Variants in EML4 observed in about 807,000 individuals in gnomAD.
The protein encoded by EML4 is echinoderm microtubule-associated protein-like 4.
EML4 carries 72 observed loss-of-function variants against 129.0 expected under a neutral mutation model. The ratio of observed to expected loss-of-function variants is 0.56; its 90% CI spans 0.46 to 0.68. The LOEUF is 0.68. EML4 is among the 30% of genes least tolerant of loss of function. The probability of loss-of-function intolerance (pLI) is 0.00; values close to 1 mark genes in which losing one functional copy is unlikely to be tolerated. For missense variants in EML4, 1,363 were observed against 1,190.6 expected (o/e 1.14, Z -2.13); for synonymous variants, 532 against 405.0 (o/e 1.31, Z -3.77).
At chr2:42,232,661 T>C (rs546330569) in intron 1 of EML4, among the ~76,000 whole-genome samples, 57 of 152,316 alleles carry the variant, frequency 3.7e-4, no homozygotes, top group African/African-American at 1.3e-3. Flanking sequence ...CTTTCCTGAG[T>C]CTTACTTGTA....
intron 6 of EML4, among the ~76,000 whole-genome samples, chr2:42,276,222 T>C (rs1666648870): frequency 6.6e-6 from 1 of 152,138 alleles, no homozygotes. Flanking sequence ...GTTTCCCCTT[T>C]TTTGGTAGAG....
chr2:42,304,419 T>C, intron 16 of EML4, 65 bp from the exon 17 acceptor site: 3 of 1,207,424 alleles, frequency 2.5e-6, no homozygotes, highest in Non-Finnish European at 3.7e-6. Flanking sequence ...TCAGAAGTTT[T>C]TGCTACTGTC....
At chr2:42,226,683 A>T (rs1368436683) in intron 1 of EML4, among the ~76,000 whole-genome samples, 1 of 151,912 alleles carries the variant, frequency 6.6e-6, no homozygotes. Flanking sequence ...AAATAAAATA[A>T]ATAAAATAAA....
At position 42,223,697 on chromosome 2, in the gene EML4, T is replaced by G. The variant is rs532995327; in HGVS notation, c.26-21808T>G. 2.0e-5 allele frequency among the ~76,000 whole-genome samples: 3 copies of G among 152,226 alleles called. No homozygotes were observed. In the East Asian group the frequency reaches 5.8e-4, roughly 29 times the overall value. On this transcript the variant is annotated intron_variant, in intron 1 of 22. Coordinates refer to ENST00000318522, the MANE Select transcript of EML4 (RefSeq NM_019063.5). Reference sequence around the variant, plus strand: ...TTGAAAACATCCCCATGAAAACACATCTAGATACTGTAAGAAACATCTTTG... The same window carrying G: ...TTGAAAACATCCCCATGAAAACACAGCTAGATACTGTAAGAAACATCTTTG...
chr2:42,188,645 G>T (rs1326904027), intron 1 of EML4, among the ~76,000 whole-genome samples: 6 of 151,838 alleles, frequency 4.0e-5, no homozygotes, highest in African/African-American at 2.4e-5. Context: ...TCCTGTGTTA[G>T]CCTCCCGAGT....
chr2:42,169,546 C>G lies in EML4; in HGVS notation c.-66C>G. 6.4e-7 allele frequency: 1 copy of G among 1,563,838 alleles called. No individual in the cohort carries two copies. Among genetic ancestry groups the G allele is most frequent in the Admixed American group, 1.8e-5 (1 of 55,190 alleles). Reference sequence around the variant, plus strand: ...AGCGGGTCAGGCTCAGCGTCGGCCACTCTGTCGGTCCGCTGAATGAAGTGC... The same window carrying G: ...AGCGGGTCAGGCTCAGCGTCGGCCAGTCTGTCGGTCCGCTGAATGAAGTGC... On this transcript the variant is annotated 5_prime_UTR_variant, in exon 1 of 23. Coordinates refer to ENST00000318522, the MANE Select transcript of EML4 (RefSeq NM_019063.5).
intron 1 of EML4, among the ~76,000 whole-genome samples, chr2:42,197,701 A>G (rs1411007246): frequency 1.3e-5 from 2 of 152,192 alleles, no homozygotes; most frequent in East Asian, 1.9e-4. Flanking sequence ...GAGAATGATC[A>G]TTTATTGGCA....
chr2:42,172,889 A>G (rs1294313784), intron 1 of EML4, among the ~76,000 whole-genome samples: 2 of 152,192 alleles, frequency 1.3e-5, no homozygotes, highest in African/African-American at 2.4e-5. Context: ...TAGAGGTTTA[A>G]TTTTAAGACT....
At chr2:42,205,355 A>G (rs1313347907) in intron 1 of EML4, among the ~76,000 whole-genome samples, 6 of 152,214 alleles carry the variant, frequency 3.9e-5, no homozygotes, top group Non-Finnish European at 7.3e-5. Flanking sequence ...GTCCTTACAC[A>G]TAGTGAAGTT....
At chr2:42,192,181 C>T (rs2103906946) in intron 1 of EML4, among the ~76,000 whole-genome samples, 1 of 149,012 alleles carries the variant, frequency 6.7e-6, no homozygotes, top group East Asian at 2.0e-4. Context: ...GGGTCTTATA[C>T]CTCAGTGAAA....
chr2:42,182,363 T>TGCTGG (rs1670999367), intron 1 of EML4, among the ~76,000 whole-genome samples: 1 of 145,886 alleles, frequency 6.9e-6, no homozygotes, highest in Admixed American at 6.9e-5. Context: ...ATTGAACCTG[T>TGCTGG]GCTGGGCTGC....
chr2:42,256,460 T>C lies in EML4; in HGVS notation c.209-41T>C, dbSNP rs553301684. ...TTAAAATTTAGATCTTTAAGGAATA[T>C]ATTCAAATTTGATATAATTTTTTTC... On this transcript the variant is annotated intron_variant, in intron 2 of 22. Transcript: ENST00000318522. The C allele has an allele frequency of 3.2e-6, 5 of 1,552,070 alleles. No individual in the cohort carries two copies. The African/African-American group carries it at 4.2e-5, about 13-fold the overall frequency.
At chr2:42,270,796 C>T (rs1666320814) in intron 6 of EML4, among the ~76,000 whole-genome samples, 2 of 152,140 alleles carry the variant, frequency 1.3e-5, no homozygotes, top group Non-Finnish European at 1.5e-5. Flanking sequence ...CTTGGCAATT[C>T]CCGAATTTAG....
intron 1 of EML4, among the ~76,000 whole-genome samples, chr2:42,178,950 G>A (rs906247221): frequency 6.6e-6 from 1 of 152,188 alleles, no homozygotes; most frequent in Non-Finnish European, 1.5e-5. Flanking sequence ...ATCAATAGGT[G>A]CTAAATCTAG....
At chr2:42,264,582 C>G (rs1355649165) in intron 5 of EML4, 124 bp from the exon 6 acceptor site, 4 of 654,428 alleles carry the variant, frequency 6.1e-6, no homozygotes, top group East Asian at 5.6e-5. Context: ...TTCTTACTTT[C>G]ACTTCCAGAG....
At chr2:42,261,050 A>G (rs1665701695) in intron 3 of EML4, 71 bp from the exon 4 acceptor site, 1 of 1,161,252 alleles carries the variant, frequency 8.6e-7, no homozygotes, top group Non-Finnish European at 1.2e-6. Context: ...TATAATAATC[A>G]CTTTTCTATC....
intron 17 of EML4, among the ~76,000 whole-genome samples, chr2:42,305,845 C>G (rs888864631): frequency 6.6e-6 from 1 of 151,684 alleles, no homozygotes; most frequent in African/African-American, 2.4e-5. Context: ...TTTAAACCAA[C>G]TAATTCATTT....
chr2:42,242,677 CCCTT>C (rs1211251377), intron 1 of EML4, among the ~76,000 whole-genome samples: 2 of 151,406 alleles, frequency 1.3e-5, no homozygotes, highest in Non-Finnish European at 1.5e-5. Context: ...TTTCCTCCCT[CCCTT>C]CCTTCCCTTT....
intron 2 of EML4, among the ~76,000 whole-genome samples, chr2:42,246,254 G>C (rs868354984): frequency 6.6e-6 from 1 of 152,152 alleles, no homozygotes; most frequent in South Asian, 2.1e-4. Flanking sequence ...TGAGTTTGGA[G>C]CAGATGTAGT....
Sources: allele counts gnomAD v4.1 joint callset (sites outside exome capture counted in the v4.1 genomes callset), GRCh38; gene constraint gnomAD v4.1.1; transcripts MANE v1.5; gene names NCBI Gene and HGNC (gene_info 2026-07-23, HGNC 2026-07-21).